The following ME2 variants were observed in gnomAD, a reference collection of about 807,000 sequenced individuals.
ME2 encodes the protein NAD-dependent malic enzyme, mitochondrial.
ME2 carries 60 observed loss-of-function variants against 73.7 expected under a neutral mutation model. The ratio of observed to expected loss-of-function variants is 0.81; its 90% CI spans 0.66 to 1.01. The LOEUF is 1.01. Among genes scored for constraint, ME2 ranks in the 50% least tolerant of loss-of-function variants. The pLI is 0.00. For missense variants in ME2, 594 were observed against 705.5 expected (o/e 0.84, Z 1.79); for synonymous variants, 199 against 236.9 (o/e 0.84, Z 1.47).
chr18:50,881,533 G>A (rs1041925965), intron 1 of ME2, among the ~76,000 whole-genome samples: 5 of 152,240 alleles, frequency 3.3e-5, no homozygotes, highest in African/African-American at 9.6e-5. Context: ...TGATCAATAT[G>A]TACAAATTTC....
chr18:50,886,958 G>A (rs1916487998), intron 1 of ME2, among the ~76,000 whole-genome samples: 1 of 152,062 alleles, frequency 6.6e-6, no homozygotes, highest in South Asian at 2.1e-4. Context: ...CTGAGATCGT[G>A]CCACTGCACT....
At chr18:50,903,150 A>G (rs1416519214) in intron 2 of ME2, among the ~76,000 whole-genome samples, 1 of 152,148 alleles carries the variant, frequency 6.6e-6, no homozygotes, top group Admixed American at 6.6e-5. Flanking sequence ...AGATGGAGAA[A>G]GTAGGAGAAG....
chr18:50,905,710 T>A (rs1171371086), intron 2 of ME2, among the ~76,000 whole-genome samples: 1 of 152,206 alleles, frequency 6.6e-6, no homozygotes, highest in Non-Finnish European at 1.5e-5. Context: ...GGTTGAGTTA[T>A]TATCAATAGA....
At chr18:50,931,699 G>C (rs1436380785) in intron 12 of ME2, among the ~76,000 whole-genome samples, 2 of 150,094 alleles carry the variant, frequency 1.3e-5, no homozygotes, top group Non-Finnish European at 1.5e-5. Flanking sequence ...TTTTGAGATG[G>C]AGTCTCGCTC....
chr18:50,907,431 A>G (rs1323317670), intron 2 of ME2, among the ~76,000 whole-genome samples: 1 of 152,222 alleles, frequency 6.6e-6, no homozygotes, highest in Non-Finnish European at 1.5e-5. Context: ...TTATTTGTCC[A>G]GTGTTCTTGT....
intron 9 of ME2, 74 bp downstream of exon 9, chr18:50,920,832 G>A (rs1007153532): frequency 4.3e-6 from 5 of 1,153,572 alleles, no homozygotes; most frequent in Admixed American, 2.4e-5. Context: ...GAATATTGAT[G>A]TTTATGAAAG....
chr18:50,924,167 A>G lies in ME2; in HGVS notation c.1126A>G (p.Thr376Ala), dbSNP rs1197969113. The change falls in exon 11 of 16, where the codon ACT becomes GCT. Residue 376 changes from threonine (T) to alanine (A), a missense_variant. Coordinates refer to ENST00000321341, the MANE Select transcript of ME2 (RefSeq NM_002396.5). ...THSAPESIPD[T>A]FEDAVNILKP... The stretch of plus-strand genomic sequence containing the variant: ...CTCAGCCCCAGAGAGCATACCTGAT[A>G]CTTTTGAAGATGCAGTGAATATACT... The G allele has an allele frequency of 2.5e-6, 4 of 1,613,306 alleles. No homozygotes were observed. The African/African-American group carries it at 4.0e-5, about 16-fold the overall frequency.
chr18:50,930,865 G>A (rs1917676245), intron 12 of ME2, among the ~76,000 whole-genome samples: 1 of 152,212 alleles, frequency 6.6e-6, no homozygotes, highest in Admixed American at 6.5e-5. Context: ...AGAACAGATA[G>A]ATAATTGTAA....
chr18:50,905,011 G>A lies in ME2; in HGVS notation c.109-3052G>A, dbSNP rs374719636. Among the ~76,000 whole-genome samples the A allele has an allele frequency of 3.1e-4, 47 of 151,358 alleles. No individual in the cohort carries two copies. In the South Asian group the frequency reaches 8.8e-3, roughly 28 times the overall value. ...ATTCTGTTCATCTTTTTTTTGAGAC[G>A]GAATCTCCCTCTGTCACCAGGCTGG... On this transcript the variant is annotated intron_variant, in intron 2 of 15. Coordinates refer to ENST00000321341, the MANE Select transcript of ME2 (RefSeq NM_002396.5).
rs1172171623 is a variant in ME2 at position 50,952,785 on chromosome 18, A to T, written c.*5601A>T. On this transcript the variant is annotated 3_prime_UTR_variant, in exon 16 of 16. Transcript: ENST00000321341. ...CTATACAGCCATTGGATTATCACCA[A>T]CACATTTGGTATATACAGTGGGCCG... 1.3e-5 allele frequency: 2 copies of T among 152,212 alleles called. No individual in the cohort carries two copies. Among genetic ancestry groups the T allele is most frequent in the African/African-American group, 4.8e-5 (2 of 41,446 alleles). 9.4% of individuals were successfully genotyped at this position (152,212 alleles called of 1,614,324 possible). A position where few individuals can be genotyped will look rare whatever the true frequency, so the allele number is the denominator to read the frequency against.
intron 7 of ME2, among the ~76,000 whole-genome samples, chr18:50,919,983 C>G (rs1408189071): frequency 2.6e-5 from 4 of 152,090 alleles, no homozygotes; most frequent in African/African-American, 7.2e-5. Flanking sequence ...CAGGGCCCAC[C>G]TCCTTTTCAA....
chr18:50,927,751 T>TACAC (rs1555678365), intron 12 of ME2, among the ~76,000 whole-genome samples: 10 of 123,292 alleles, frequency 8.1e-5, no homozygotes, highest in East Asian at 4.7e-4. Context: ...TATATATATA[T>TACAC]ACACACCACA....
Position 50,950,835 on chromosome 18 carries a change from G to A in ME2, c.*3651G>A, listed in dbSNP as rs1918209218. On this transcript the variant is annotated 3_prime_UTR_variant, in exon 16 of 16. Coordinates refer to ENST00000321341, the MANE Select transcript of ME2 (RefSeq NM_002396.5). Reference sequence around the variant, plus strand: ...GCTCCCAGGTGATGCCTATGCTGCTGGTACAGTGAACAACATGCTGAGAGG... The same window carrying A: ...GCTCCCAGGTGATGCCTATGCTGCTAGTACAGTGAACAACATGCTGAGAGG... 1.3e-5 allele frequency: 2 copies of A among 152,090 alleles called. No individual in the cohort carries two copies. Among genetic ancestry groups the A allele is most frequent in the Admixed American group, 1.3e-4 (2 of 15,258 alleles). 9.4% of individuals were successfully genotyped at this position (152,090 alleles called of 1,614,324 possible). A position where few individuals can be genotyped will look rare whatever the true frequency, so the allele number is the denominator to read the frequency against.
intron 13 of ME2, among the ~76,000 whole-genome samples, chr18:50,937,104 A>G (rs928336025): frequency 6.6e-6 from 1 of 152,098 alleles, no homozygotes; most frequent in African/African-American, 2.4e-5. Flanking sequence ...TAGGCAAGAC[A>G]AGATGAGATG....
rs187198757 is a variant in ME2, at chr18:50,924,830, C to T, written c.1171+618C>T. Reference sequence around the variant, plus strand: ...CCAAGTAGCTGGGATTACAGGTACCCGCCACCACGCCCAGCTAATTTTTGT... The same window carrying T: ...CCAAGTAGCTGGGATTACAGGTACCTGCCACCACGCCCAGCTAATTTTTGT... On this transcript the variant is annotated intron_variant, in intron 11 of 15. Transcript: ENST00000321341. Among the ~76,000 whole-genome samples, 522 of 151,736 alleles carry T rather than the reference C, an allele frequency of 3.4e-3. 3 individuals are homozygous for T. Among genetic ancestry groups the T allele is most frequent in the African/African-American group, 0.012 (481 of 41,398 alleles).
At chr18:50,930,774 AT>A (rs1399635744) in intron 12 of ME2, among the ~76,000 whole-genome samples, 1 of 152,222 alleles carries the variant, frequency 6.6e-6, no homozygotes, top group African/African-American at 2.4e-5. Context: ...TTATGTACTT[AT>A]TGTGATAACA....
At chr18:50,888,774 A>C (rs1916540740) in intron 1 of ME2, among the ~76,000 whole-genome samples, 1 of 152,210 alleles carries the variant, frequency 6.6e-6, no homozygotes, top group Non-Finnish European at 1.5e-5. Flanking sequence ...ACAATGTATT[A>C]AATAGTGTGG....
At chr18:50,896,456 A>G (rs1916748296) in intron 2 of ME2, among the ~76,000 whole-genome samples, 1 of 152,212 alleles carries the variant, frequency 6.6e-6, no homozygotes, top group Non-Finnish European at 1.5e-5. Context: ...CTGGCTCTTT[A>G]TTGTACTCTT....
At chr18:50,922,794 C>T (rs553642656) in intron 10 of ME2, among the ~76,000 whole-genome samples, 1 of 152,308 alleles carries the variant, frequency 6.6e-6, no homozygotes, top group East Asian at 1.9e-4. Context: ...CATTTTGAAA[C>T]TTTGAAAACA....
Sources: gnomAD v4.1 joint callset for allele counts (sites outside exome capture counted in the v4.1 genomes callset) on GRCh38, gnomAD v4.1.1 for gene constraint, MANE v1.5 for transcripts, NCBI Gene and HGNC (gene_info 2026-07-23, HGNC 2026-07-21) for gene names.